ALOXE3: variants seen among roughly 807,000 people sequenced by gnomAD.
The protein encoded by ALOXE3 is hydroperoxide isomerase ALOXE3.
Under a neutral mutation model 87.5 loss-of-function variants are expected in ALOXE3, and 78 were observed. The ratio of observed to expected loss-of-function variants is 0.89; its 90% CI spans 0.74 to 1.08. The LOEUF is 1.08. Among genes scored for constraint, ALOXE3 ranks in the 50% least tolerant of loss-of-function variants. The pLI is 0.00. For synonymous variants in ALOXE3, 363 were observed against 370.8 expected (o/e 0.98, Z 0.24); for missense variants, 946 against 912.4 (o/e 1.04, Z -0.47).
rs57399963 is a variant in ALOXE3, at chr17:8,110,577, CTTCCCTCCCAT to C, written c.958-60_958-50del. 5,317 of 1,612,426 alleles carry C rather than the reference CTTCCCTCCCAT, an allele frequency of 3.3e-3. 140 individuals are homozygous for C. The African/African-American group carries it at 0.063, about 19-fold the overall frequency. On this transcript the variant is annotated intron_variant, in intron 8 of 15. Transcript: ENST00000448843. ...AGTGTCCCTCCCTACTCGCGCTCCACTTCCCTCCCATTTCCCTGCCCACTTCCACCCCAGAG... is the reference window on the plus strand; with the variant it reads ...AGTGTCCCTCCCTACTCGCGCTCCACTTCCCTGCCCACTTCCACCCCAGAG...
intron 13 of ALOXE3, 25 bp from the exon 14 acceptor site, chr17:8,104,240 G>A: frequency 6.4e-7 from 1 of 1,573,782 alleles, no homozygotes; most frequent in Non-Finnish European, 8.7e-7. Flanking sequence ...GAAGGGTAGA[G>A]GGTGTGGATG....
chr17:8,118,164 C>T lies in ALOXE3; in HGVS notation c.-174G>A. The T allele has an allele frequency of 6.4e-7, 1 of 1,551,542 alleles. No homozygotes were observed. Among genetic ancestry groups the T allele is most frequent in the Non-Finnish European group, 8.7e-7 (1 of 1,146,982 alleles). ...TCTCTGGGATGTTCCTGGGCTTTCT[C>T]TCTCCGAAGCTCCCTGCTGGCGGCT... On this transcript the variant is annotated 5_prime_UTR_variant, in exon 2 of 16. Transcript: ENST00000448843.
intron 4 of ALOXE3, 129 bp downstream of exon 4, chr17:8,115,478 G>T: frequency 1.1e-6 from 1 of 941,358 alleles, no homozygotes; most frequent in Non-Finnish European, 1.7e-6. Context: ...AGTGGGGTTA[G>T]GTCCAAATAA....
At chr17:8,112,781 ATT>A (rs142020703) in intron 6 of ALOXE3, among the ~76,000 whole-genome samples, 64,410 of 150,440 alleles carry the variant, frequency 0.43, 13,899 homozygotes, top group Non-Finnish European at 0.47. Context: ...AGTGAGCACT[ATT>A]TTTTTTTTCC....
chr17:8,114,340 G>T, intron 6 of ALOXE3, 144 bp downstream of exon 6: 1 of 1,159,922 alleles, frequency 8.6e-7, no homozygotes, highest in Non-Finnish European at 1.3e-6. Context: ...CTGTGGGGCA[G>T]GGAGAGGGAA....
intron 5 of ALOXE3, 50 bp downstream of exon 5, chr17:8,114,888 G>T: frequency 6.2e-7 from 1 of 1,612,704 alleles, no homozygotes; most frequent in South Asian, 1.1e-5. Flanking sequence ...CCTCCCGACA[G>T]ACCTTCCACT....
In ALOXE3 at chr17:8,110,508, C is replaced by A. The variant is rs771761701; in HGVS notation, c.978G>T (p.Ala326=). Residue 326 remains alanine (A), a synonymous_variant, in exon 9 of 16, where the codon GCG becomes GCT. Coordinates refer to ENST00000448843, the MANE Select transcript of ALOXE3 (RefSeq NM_021628.3). ...GGGCCTCCGCCAGGATCCAGTAGTC[C>A]GCTAGGAAGATGTTCCCCCTCTGCA... ...TELERGNIFL[A]DYWILAEAPT... 1 of 1,613,922 alleles carries A rather than the reference C, an allele frequency of 6.2e-7. No individual in the cohort carries two copies. Among genetic ancestry groups the A allele is most frequent in the Non-Finnish European group, 8.5e-7 (1 of 1,179,906 alleles).
chr17:8,106,458 T>C (rs1979317331), intron 13 of ALOXE3, among the ~76,000 whole-genome samples: 1 of 151,826 alleles, frequency 6.6e-6, no homozygotes, highest in Admixed American at 6.6e-5. Flanking sequence ...GACAGGAGAA[T>C]CAATAGAGCC....
At chr17:8,104,454 A>G (rs1201125555) in intron 13 of ALOXE3, among the ~76,000 whole-genome samples, 2 of 152,128 alleles carry the variant, frequency 1.3e-5, no homozygotes, top group African/African-American at 4.8e-5. Flanking sequence ...AGGGCCAATG[A>G]CAGAGGCAGC....
rs749547039 is a variant in ALOXE3 at position 8,111,282 on chromosome 17, C to G, written c.957+77G>C. The G allele has an allele frequency of 4.4e-6, 7 of 1,573,308 alleles. No homozygotes were observed. In the Admixed American group the frequency reaches 1.2e-4, roughly 26 times the overall value. On this transcript the variant is annotated intron_variant, in intron 8 of 15. Transcript: ENST00000448843. ...GCAGCCCAGGCCATTTCCATACCCT[C>G]CACACACATCCCTTGTCCATAATGG...
At chr17:8,117,759 A>G in intron 2 of ALOXE3, 85 bp downstream of exon 2, 1 of 1,548,806 alleles carries the variant, frequency 6.5e-7, no homozygotes. Context: ...GTTCAGCAGG[A>G]TCTCAAGAGT....
chr17:8,114,625 G>T lies in ALOXE3; in HGVS notation c.555-16C>A. 6.2e-7 allele frequency: 1 copy of T among 1,613,888 alleles called. No individual in the cohort carries two copies. Among genetic ancestry groups the T allele is most frequent in the Non-Finnish European group, 8.5e-7 (1 of 1,179,928 alleles). The stretch of plus-strand genomic sequence containing the variant: ...ATTCCCACTGCTGGGGGTCGGGGGA[G>T]TAGAAAGACAGAAACCAGTCAGTGG... On this transcript the variant is annotated splice_polypyrimidine_tract_variant and intron_variant, in intron 5 of 15. Coordinates refer to ENST00000448843, the MANE Select transcript of ALOXE3 (RefSeq NM_021628.3).
chr17:8,104,032 C>T (rs190732731), intron 14 of ALOXE3, 83 bp downstream of exon 14: 816 of 1,241,962 alleles, frequency 6.6e-4, no homozygotes, highest in Non-Finnish European at 8.3e-4. Context: ...CAACGCTGAC[C>T]CACCCAAGCT....
chr17:8,113,219 T>C (rs1980256721), intron 6 of ALOXE3, among the ~76,000 whole-genome samples: 2 of 152,232 alleles, frequency 1.3e-5, no homozygotes, highest in African/African-American at 4.8e-5. Context: ...ACACTCATCA[T>C]TTCCCACATT....
Position 8,096,678 on chromosome 17 carries a change from C to A in ALOXE3, c.2085G>T (p.Leu695=), listed in dbSNP as rs1455108230. Residue 695 remains leucine, a synonymous_variant, in exon 16 of 16, where the codon CTG becomes CTT. Transcript: ENST00000448843. The part of the protein sequence containing the change: ...DIQERNQGLA[L]PYTYLDPPLI... ...GGGGAGGGTCCAGGTAGGTGTAGGG[C>A]AGTGCCAGACCCTGGTTCCGCTCCT... The A allele has an allele frequency of 6.4e-7, 1 of 1,560,222 alleles. No homozygotes were observed. Among genetic ancestry groups the A allele is most frequent in the East Asian group, 2.2e-5 (1 of 44,596 alleles).
intron 6 of ALOXE3, among the ~76,000 whole-genome samples, chr17:8,113,886 A>G (rs948585745): frequency 3.3e-5 from 5 of 150,024 alleles, no homozygotes; most frequent in African/African-American, 9.8e-5. Flanking sequence ...ATTAGCCGGC[A>G]TGGTGGCACC....
intron 12 of ALOXE3, 30 bp downstream of exon 12, chr17:8,109,144 G>C (rs765159284): frequency 1.9e-6 from 3 of 1,610,470 alleles, no homozygotes; most frequent in Non-Finnish European, 1.7e-6. Flanking sequence ...GACCCTGGTG[G>C]GACTGCTGGT....
At chr17:8,114,072 G>A (rs1568003137) in intron 6 of ALOXE3, among the ~76,000 whole-genome samples, 1 of 151,614 alleles carries the variant, frequency 6.6e-6, no homozygotes, top group Non-Finnish European at 1.5e-5. Context: ...GTGGGCACCT[G>A]GGGAAGGGAG....
intron 15 of ALOXE3, among the ~76,000 whole-genome samples, chr17:8,097,598 T>A (rs76056380): frequency 0.077 from 11,692 of 152,142 alleles, 599 homozygotes; most frequent in Middle Eastern, 0.16. Flanking sequence ...TGAGCTCCAG[T>A]CACTGCCATC....
Sources: allele counts gnomAD v4.1 joint callset (sites outside exome capture counted in the v4.1 genomes callset), GRCh38; gene constraint gnomAD v4.1.1; transcripts MANE v1.5; gene names NCBI Gene and HGNC (gene_info 2026-07-23, HGNC 2026-07-21).